Variants in PIP5K1C observed in about 807,000 individuals in gnomAD.
PIP5K1C encodes phosphatidylinositol 4-phosphate 5-kinase type-1 gamma.
Under a neutral mutation model 80.1 loss-of-function variants are expected in PIP5K1C, and 45 were observed. That is an observed-to-expected ratio of 0.56 (90% CI 0.44 to 0.72). The LOEUF is 0.72. Ranked by LOEUF, PIP5K1C falls within the 30% of genes least tolerant of loss-of-function variation. PIP5K1C has a pLI of 0.00. For missense variants in PIP5K1C, 753 were observed against 954.6 expected (o/e 0.79, Z 2.78); for synonymous variants, 498 against 420.1 (o/e 1.19, Z -2.27).
At chr19:3,685,261 T>C (rs2035720184) in intron 1 of PIP5K1C, among the ~76,000 whole-genome samples, 2 of 152,212 alleles carry the variant, frequency 1.3e-5, no homozygotes, top group South Asian at 4.1e-4. Context: ...GCAGCATTTC[T>C]AATGTGTGTG....
chr19:3,677,975 A>C (rs1203804072), intron 1 of PIP5K1C, among the ~76,000 whole-genome samples: 1 of 92,098 alleles, frequency 1.1e-5, no homozygotes, highest in African/African-American at 4.6e-5. Flanking sequence ...AGGATGGAGG[A>C]ATAGAGGGAA....
At chr19:3,694,647 G>A (rs892354504) in intron 1 of PIP5K1C, among the ~76,000 whole-genome samples, 1 of 152,194 alleles carries the variant, frequency 6.6e-6, no homozygotes, top group Non-Finnish European at 1.5e-5. Context: ...GACCCCACGC[G>A]ACCCTCTCCC....
At chr19:3,665,097 G>A (rs1440121158) in intron 2 of PIP5K1C, among the ~76,000 whole-genome samples, 183 bp from the exon 3 acceptor site, 1 of 152,162 alleles carries the variant, frequency 6.6e-6, no homozygotes, top group Non-Finnish European at 1.5e-5. Context: ...GCGCCTGGCG[G>A]GCTGGCTGGG....
rs961379972 is a variant in PIP5K1C, at chr19:3,648,197, A to G, written c.1211+428T>C. Among the ~76,000 whole-genome samples the G allele has an allele frequency of 3.3e-5, 5 of 151,658 alleles. No homozygotes were observed. Among genetic ancestry groups the G allele is most frequent in the African/African-American group, 1.2e-4 (5 of 41,218 alleles). On this transcript the variant is annotated intron_variant, in intron 9 of 17. Coordinates refer to ENST00000335312, the MANE Select transcript of PIP5K1C (RefSeq NM_012398.3). This position sits in a 1 kb window ranked among gnomAD's most constrained non-coding sequence, Gnocchi z 4.3. ...ACCACCACGCTCAGCTAATTTTTTG[A>G]TATTTTGTAGAGATGGGGTCTTGCT...
intron 1 of PIP5K1C, among the ~76,000 whole-genome samples, chr19:3,678,294 A>C (rs2035457867): frequency 1.1e-5 from 1 of 92,054 alleles, no homozygotes; most frequent in Non-Finnish European, 2.2e-5. Context: ...GGAGGGATGG[A>C]GGGATGGAGG....
chr19:3,664,125 CCACA>C (rs1225283005), intron 3 of PIP5K1C, among the ~76,000 whole-genome samples: 2 of 152,220 alleles, frequency 1.3e-5, no homozygotes, highest in Non-Finnish European at 2.9e-5. Context: ...ACACAGAAAG[CCACA>C]CAGTGTGTGA....
rs185296813 is a variant in PIP5K1C, at chr19:3,681,594, C to T, written c.95-14241G>A. Among the ~76,000 whole-genome samples, 68 of 152,228 alleles carry T rather than the reference C, an allele frequency of 4.5e-4. 1 individual carries two copies. The highest frequency in any genetic ancestry group is 3.3e-3 in the South Asian group (16 of 4,824). On this transcript the variant is annotated intron_variant, in intron 1 of 17. Transcript: ENST00000335312. The stretch of plus-strand genomic sequence containing the variant: ...GCTGCAGCTCGTACACACATCCCCC[C>T]GCGGGCTGGTGCTCTGCAAGCTGCG...
chr19:3,677,655 G>T (rs1388134306), intron 1 of PIP5K1C, among the ~76,000 whole-genome samples: 1 of 148,972 alleles, frequency 6.7e-6, no homozygotes, highest in Non-Finnish European at 1.5e-5. Context: ...GGGTGCTGAG[G>T]TCTGCAACTT....
At chr19:3,643,473 C>G (rs1056911209) in intron 12 of PIP5K1C, 92 bp from the exon 13 acceptor site, 2 of 1,525,402 alleles carry the variant, frequency 1.3e-6, no homozygotes, top group Non-Finnish European at 1.8e-6. Context: ...CCCTGGGAAC[C>G]CACAGCCCAG....
intron 1 of PIP5K1C, among the ~76,000 whole-genome samples, chr19:3,693,856 G>A (rs373143498): frequency 6.6e-6 from 1 of 151,980 alleles, no homozygotes; most frequent in Non-Finnish European, 1.5e-5. Flanking sequence ...TTGGGACCAA[G>A]GGTTCGAGAC....
chr19:3,698,756 A>T (rs1479596015), intron 1 of PIP5K1C, among the ~76,000 whole-genome samples: 1 of 152,218 alleles, frequency 6.6e-6, no homozygotes, highest in Non-Finnish European at 1.5e-5. Context: ...TCTGTGGCCC[A>T]GCCAGGCACA....
rs572853461 is a variant in PIP5K1C at position 3,665,457 on chromosome 19, T to A, written c.127-543A>T. On this transcript the variant is annotated intron_variant, in intron 2 of 17. Transcript: ENST00000335312. ...ACATCTCAGTAAAGTGGGTATTTTTTAAAAAAACAGGACTGAGGTGGGGGT... is the reference window on the plus strand; with the variant it reads ...ACATCTCAGTAAAGTGGGTATTTTTAAAAAAAACAGGACTGAGGTGGGGGT... 2.3e-3 allele frequency among the ~76,000 whole-genome samples: 343 copies of A among 151,400 alleles called. 3 individuals carry two copies. Among genetic ancestry groups the A allele is most frequent in the African/African-American group, 7.7e-3 (316 of 41,288 alleles).
intron 1 of PIP5K1C, among the ~76,000 whole-genome samples, chr19:3,693,603 C>G (rs2036011587): frequency 6.6e-6 from 1 of 152,220 alleles, no homozygotes; most frequent in Non-Finnish European, 1.5e-5. Flanking sequence ...AGGCCTGGGC[C>G]CCGCTCCTCG....
intron 1 of PIP5K1C, among the ~76,000 whole-genome samples, chr19:3,690,101 G>T (rs1184151903): frequency 6.8e-6 from 1 of 147,454 alleles, no homozygotes; most frequent in African/African-American, 2.6e-5. Flanking sequence ...CTGCAAGTCT[G>T]ATTACTTTTT....
intron 13 of PIP5K1C, 84 bp from the exon 14 acceptor site, chr19:3,643,023 TACCTGCCCCCTGGCAGCCCTGCCC>T (rs2034037893): frequency 6.5e-7 from 1 of 1,543,652 alleles, no homozygotes; most frequent in Admixed American, 1.7e-5. Flanking sequence ...CCCGCCTGCC[TACCTGCCCCCTGGCAGCCCTGCCC>T]ACCTGTACAT....
rs1466040289 is a variant in PIP5K1C at position 3,700,439 on chromosome 19, G to A, written c.-49C>T. The A allele has an allele frequency of 5.1e-6, 5 of 980,072 alleles. No homozygotes were observed. The highest frequency in any genetic ancestry group is 4.5e-5 in the South Asian group (1 of 22,134). 60.7% of individuals were successfully genotyped at this position (980,072 alleles called of 1,614,324 possible). On this transcript the variant is annotated 5_prime_UTR_variant, in exon 1 of 18. Transcript: ENST00000335312. Reference sequence around the variant, plus strand: ...GGCGCCCGAGGGGGACCCGAGCTGCGACCGCCGCCGCCGAACAACAAGCGC... The same window carrying A: ...GGCGCCCGAGGGGGACCCGAGCTGCAACCGCCGCCGCCGAACAACAAGCGC...
At chr19:3,684,523 G>A (rs1304718374) in intron 1 of PIP5K1C, among the ~76,000 whole-genome samples, 1 of 152,206 alleles carries the variant, frequency 6.6e-6, no homozygotes, top group East Asian at 1.9e-4. Flanking sequence ...CTGGAGGGTG[G>A]CAGCAATGCG....
intron 1 of PIP5K1C, 100 bp downstream of exon 1, chr19:3,700,197 C>G (rs1227104976): frequency 1.5e-6 from 1 of 649,002 alleles, no homozygotes; most frequent in East Asian, 8.1e-5. Context: ...GCGGCGCCCC[C>G]GCAGCGACCG....
chr19:3,687,818 C>T (rs2035810652), intron 1 of PIP5K1C, among the ~76,000 whole-genome samples: 1 of 152,202 alleles, frequency 6.6e-6, no homozygotes, highest in South Asian at 2.1e-4. Flanking sequence ...ATAGAGTGAT[C>T]GCTTTCCCCG....
Sources: gnomAD v4.1 joint callset for allele counts (sites outside exome capture counted in the v4.1 genomes callset) on GRCh38, gnomAD v4.1.1 for gene constraint, Gnocchi (gnomAD v3.1) non-coding constraint, MANE v1.5 for transcripts, NCBI Gene and HGNC (gene_info 2026-07-23, HGNC 2026-07-21) for gene names.